Variants in FNDC1 observed in about 807,000 individuals in gnomAD.
FNDC1 encodes fibronectin type III domain containing 1.
FNDC1 carries 96 observed loss-of-function variants against 168.0 expected under a neutral mutation model. The ratio of observed to expected loss-of-function variants is 0.57; its 90% CI spans 0.48 to 0.68. FNDC1 has a LOEUF of 0.68. FNDC1 is among the 30% of genes least tolerant of loss of function. The pLI, the probability that FNDC1 is intolerant of heterozygous loss-of-function variation, is 0.00. For missense variants in FNDC1, 2,587 were observed against 2,482.1 expected, an observed-to-expected ratio of 1.04 and a Z score of -0.90; for synonymous variants, 1,099 against 1,025.9, an observed-to-expected ratio of 1.07 and a Z score of -1.36.
At chr6:159,211,025 C>A (rs996354387) in intron 4 of FNDC1, among the ~76,000 whole-genome samples, 1 of 152,168 alleles carries the variant, frequency 6.6e-6, no homozygotes, top group Non-Finnish European at 1.5e-5. Context: ...AGCACCATGG[C>A]TCCGGCCTAA....
Position 159,221,637 on chromosome 6 carries a change from A to C in FNDC1, c.707A>C (p.Asn236Thr). The change falls in exon 6 of 23, where the codon AAC becomes ACC. Residue 236 changes from asparagine to threonine, a missense_variant. Coordinates refer to ENST00000297267, the MANE Select transcript of FNDC1 (RefSeq NM_032532.3). ...TATGTGGTCTCCCTGCAGTCCATGAACTCTCAGGGCCGGAGCCAACCAGTC... is the reference window on the plus strand; with the variant it reads ...TATGTGGTCTCCCTGCAGTCCATGACCTCTCAGGGCCGGAGCCAACCAGTC... Reference protein sequence around the residue: ...SVYVVSLQSMNSQGRSQPVYR... With the variant: ...SVYVVSLQSMTSQGRSQPVYR... The C allele has an allele frequency of 6.2e-7, 1 of 1,613,908 alleles. No individual in the cohort carries two copies. The highest frequency in any genetic ancestry group is 8.5e-7 in the Non-Finnish European group (1 of 1,179,866).
Position 159,212,910 on chromosome 6 carries a change from A to C in FNDC1, c.461-2035A>C, listed in dbSNP as rs186223782. On this transcript the variant is annotated intron_variant, in intron 4 of 22. Coordinates refer to ENST00000297267, the MANE Select transcript of FNDC1 (RefSeq NM_032532.3). ...TGGAAAGGGGATGAAACTGGGAATC[A>C]GAATGGCTGAACTCTGCCTGGCCCT... Among the ~76,000 whole-genome samples the C allele has an allele frequency of 1.2e-3, 181 of 152,308 alleles. 1 individual carries two copies. Among genetic ancestry groups the C allele is most frequent in the African/African-American group, 4.2e-3 (174 of 41,566 alleles).
intron 1 of FNDC1, among the ~76,000 whole-genome samples, chr6:159,178,775 A>G (rs889345279): frequency 2.0e-5 from 3 of 150,352 alleles, no homozygotes; most frequent in African/African-American, 7.4e-5. Context: ...TGGAGAAATC[A>G]TGGCATGCAA....
intron 5 of FNDC1, among the ~76,000 whole-genome samples, chr6:159,215,858 T>C (rs1054759472): frequency 6.6e-6 from 1 of 152,216 alleles, no homozygotes; most frequent in African/African-American, 2.4e-5. Context: ...GTTGATTAGA[T>C]TGTGCCCACC....
intron 4 of FNDC1, among the ~76,000 whole-genome samples, chr6:159,213,996 C>G (rs947130394): frequency 2.6e-5 from 4 of 152,184 alleles, no homozygotes; most frequent in Middle Eastern, 3.2e-3. Context: ...GTTAGCCTAG[C>G]TGGGAATTTT....
chr6:159,235,364 A>G (rs1482759017), intron 11 of FNDC1, among the ~76,000 whole-genome samples: 1 of 151,984 alleles, frequency 6.6e-6, no homozygotes, highest in Non-Finnish European at 1.5e-5. Flanking sequence ...TTTTAGCCCA[A>G]TGTAAAGACA....
intron 12 of FNDC1, among the ~76,000 whole-genome samples, chr6:159,238,273 A>G (rs1192848507): frequency 1.3e-5 from 2 of 151,246 alleles, no homozygotes; most frequent in Admixed American, 1.3e-4. Flanking sequence ...ATTTTTTTGT[A>G]TTTTTAGTAG....
intron 1 of FNDC1, among the ~76,000 whole-genome samples, chr6:159,181,543 T>C (rs1376468142): frequency 1.3e-5 from 2 of 152,198 alleles, no homozygotes; most frequent in East Asian, 1.9e-4. Context: ...CAACCAAATA[T>C]GATAAATGTA....
intron 4 of FNDC1, among the ~76,000 whole-genome samples, chr6:159,203,986 C>T (rs1207777046): frequency 6.6e-6 from 1 of 152,124 alleles, no homozygotes; most frequent in Non-Finnish European, 1.5e-5. Flanking sequence ...AAATCAAGTC[C>T]TCTGTGCTTT....
At chr6:159,252,412 A>G (rs1314835428) in intron 17 of FNDC1, among the ~76,000 whole-genome samples, 1 of 152,174 alleles carries the variant, frequency 6.6e-6, no homozygotes, top group Non-Finnish European at 1.5e-5. Flanking sequence ...ATATCTTACA[A>G]TGAAAAAATG....
chr6:159,269,498 C>G lies in FNDC1; in HGVS notation c.5569+1572C>G, dbSNP rs1038920073. Among the ~76,000 whole-genome samples the G allele has an allele frequency of 1.4e-3, 168 of 117,386 alleles. 1 individual carries two copies. The highest frequency in any genetic ancestry group is 4.5e-3 in the Middle Eastern group (1 of 224). The allele number at this position is 117,386 out of a possible 152,430, so 77.0% of individuals were successfully genotyped here. ...TCTATCTATCTATCTATCTATCTAT[C>G]TATCCATCCATCCATGCATCCATCC... On this transcript the variant is annotated intron_variant, in intron 22 of 22. Coordinates refer to ENST00000297267, the MANE Select transcript of FNDC1 (RefSeq NM_032532.3).
At chr6:159,215,435 G>A (rs899325798) in intron 5 of FNDC1, among the ~76,000 whole-genome samples, 2 of 152,188 alleles carry the variant, frequency 1.3e-5, no homozygotes, top group African/African-American at 2.4e-5. Flanking sequence ...GGACTTGAGA[G>A]TAGGGCCAGT....
chr6:159,198,840 T>A (rs1012129836), intron 2 of FNDC1, among the ~76,000 whole-genome samples: 1 of 152,214 alleles, frequency 6.6e-6, no homozygotes, highest in African/African-American at 2.4e-5. Context: ...TGGCGAAGCA[T>A]GATTTTGCAT....
At chr6:159,179,475 A>T (rs1409149941) in intron 1 of FNDC1, among the ~76,000 whole-genome samples, 1 of 152,164 alleles carries the variant, frequency 6.6e-6, no homozygotes, top group Admixed American at 6.5e-5. Context: ...AAACAAAAAC[A>T]AAAACAATCT....
At chr6:159,231,827 C>T (rs1783088242) in intron 10 of FNDC1, 55 bp from the exon 11 acceptor site, 4 of 1,466,794 alleles carry the variant, frequency 2.7e-6, no homozygotes, top group Middle Eastern at 1.8e-4. Flanking sequence ...GTCTCACCTC[C>T]GCTTTCGCTT....
chr6:159,269,625 A>G lies in FNDC1; in HGVS notation c.5569+1699A>G, dbSNP rs1284925446. 7.3e-5 allele frequency among the ~76,000 whole-genome samples: 11 copies of G among 150,554 alleles called. No individual in the cohort carries two copies. The East Asian group carries it at 9.7e-4, about 13-fold the overall frequency. On this transcript the variant is annotated intron_variant, in intron 22 of 22. Transcript: ENST00000297267. ...TATCTATCTATCTATCTATCTATCTATCTATCTATCTATCTATCTATCTAT... is the reference window on the plus strand; with the variant it reads ...TATCTATCTATCTATCTATCTATCTGTCTATCTATCTATCTATCTATCTAT...
intron 1 of FNDC1, among the ~76,000 whole-genome samples, chr6:159,186,734 A>C (rs2114931659): frequency 6.6e-6 from 1 of 152,316 alleles, no homozygotes; most frequent in Non-Finnish European, 1.5e-5. Context: ...AAACGCGTGG[A>C]GGTGGTGGTG....
At chr6:159,192,950 G>C (rs530955638) in intron 1 of FNDC1, among the ~76,000 whole-genome samples, 2 of 152,280 alleles carry the variant, frequency 1.3e-5, no homozygotes, top group South Asian at 4.2e-4. Context: ...CCAGACTTTA[G>C]CTTTCATCTT....
At position 159,191,267 on chromosome 6, in the gene FNDC1, A is replaced by G. The variant is rs140233065; in HGVS notation, c.110-6164A>G. Reference sequence around the variant, plus strand: ...TGGGGACACAGAGCCAAACCATATCACTATAAGAGATGGGTCCTAGGAATC... The same window carrying G: ...TGGGGACACAGAGCCAAACCATATCGCTATAAGAGATGGGTCCTAGGAATC... On this transcript the variant is annotated intron_variant, in intron 1 of 22. Coordinates refer to ENST00000297267, the MANE Select transcript of FNDC1 (RefSeq NM_032532.3). Among the ~76,000 whole-genome samples the G allele has an allele frequency of 1.6e-3, 241 of 152,296 alleles. 1 individual carries two copies. The highest frequency in any genetic ancestry group is 5.6e-3 in the African/African-American group (231 of 41,568).
Sources: allele counts gnomAD v4.1 joint callset (sites outside exome capture counted in the v4.1 genomes callset), GRCh38; gene constraint gnomAD v4.1.1; transcripts MANE v1.5; gene names NCBI Gene and HGNC (gene_info 2026-07-23, HGNC 2026-07-21).